The following PCGF5 variants were observed in gnomAD, a reference collection of about 807,000 sequenced individuals.
PCGF5 encodes the protein polycomb group ring finger 5.
PCGF5 carries 9 observed loss-of-function variants against 44.3 expected under a neutral mutation model. That is an observed-to-expected ratio of 0.20 (90% CI 0.12 to 0.35). The LOEUF (loss-of-function observed/expected upper bound fraction) is 0.35. PCGF5 is among the 10% of genes least tolerant of loss of function. PCGF5 has a pLI of 1.00. For synonymous variants in PCGF5, 95 were observed against 102.5 expected (o/e 0.93, Z 0.44); for missense variants, 146 against 305.3 (o/e 0.48, Z 3.89).
intron 1 of PCGF5, among the ~76,000 whole-genome samples, chr10:91,221,328 T>C (rs2133275188): frequency 6.6e-6 from 1 of 152,270 alleles, no homozygotes; most frequent in Non-Finnish European, 1.5e-5. Context: ...TCTCTTACTT[T>C]GGAGTTTCAT....
chr10:91,239,757 G>A (rs1414788146), intron 2 of PCGF5, among the ~76,000 whole-genome samples: 1 of 152,160 alleles, frequency 6.6e-6, no homozygotes, highest in African/African-American at 2.4e-5. Flanking sequence ...GATTAGTAGT[G>A]TTTGTAGGAA....
intron 1 of PCGF5, among the ~76,000 whole-genome samples, chr10:91,171,858 C>T (rs762009795): frequency 2.0e-5 from 3 of 151,978 alleles, no homozygotes; most frequent in Non-Finnish European, 4.4e-5. Flanking sequence ...CATTGGTCTT[C>T]GGGAACTATG....
chr10:91,196,162 G>A (rs1018668550), intron 1 of PCGF5, among the ~76,000 whole-genome samples: 1 of 152,102 alleles, frequency 6.6e-6, no homozygotes, highest in African/African-American at 2.4e-5. Flanking sequence ...AAGGCCCAGA[G>A]TAGAAAGCAC....
upstream of PCGF5, chr10:91,220,402 A>G (rs1844634831): frequency 6.6e-6 from 1 of 152,302 alleles, no homozygotes; most frequent in African/African-American, 2.4e-5. Context: ...TATGATGTAA[A>G]CAACCGAAGG....
At chr10:91,232,490 G>A (rs1371548056) in intron 2 of PCGF5, among the ~76,000 whole-genome samples, 1 of 152,174 alleles carries the variant, frequency 6.6e-6, no homozygotes. Flanking sequence ...AACAGAAGTG[G>A]TTTTAGGGGG....
At chr10:91,247,758 G>A (rs1156493478) in intron 3 of PCGF5, among the ~76,000 whole-genome samples, 4 of 152,212 alleles carry the variant, frequency 2.6e-5, no homozygotes, top group African/African-American at 4.8e-5. Context: ...AGAGAGGAAT[G>A]GAGATTATTT....
intron 1 of PCGF5, among the ~76,000 whole-genome samples, chr10:91,187,774 A>G (rs1219003336): frequency 1.3e-5 from 2 of 152,136 alleles, no homozygotes; most frequent in Non-Finnish European, 2.9e-5. Flanking sequence ...TACCTGAAAA[A>G]TGTCTGTGTA....
chr10:91,236,697 G>A (rs1845173668), intron 2 of PCGF5, among the ~76,000 whole-genome samples: 1 of 152,200 alleles, frequency 6.6e-6, no homozygotes, highest in African/African-American at 2.4e-5. Flanking sequence ...AGTGAGTTTT[G>A]TAGTGATGAG....
At chr10:91,160,000 C>T (rs75711728), upstream of PCGF5, among the ~76,000 whole-genome samples, 880 of 152,210 alleles carry the variant, frequency 5.8e-3, 5 homozygotes, top group African/African-American at 0.02. Flanking sequence ...ATATTTAATA[C>T]GCTCATGGTT....
chr10:91,225,490 C>T (rs982576359), intron 2 of PCGF5, among the ~76,000 whole-genome samples: 10 of 151,266 alleles, frequency 6.6e-5, no homozygotes, highest in South Asian at 2.1e-4. Flanking sequence ...CCAAATGTGG[C>T]CTTTATCGTC....
chr10:91,284,048 T>C lies in PCGF5; in HGVS notation c.*5732T>C, dbSNP rs917627342. ...ATTTAATCAGTACAAGATATGTCTT[T>C]TGCAGAAATAAAATGCTGCTTAGAG... On this transcript the variant is annotated 3_prime_UTR_variant, in exon 10 of 10. Transcript: ENST00000336126. 6.6e-6 allele frequency: 1 copy of C among 152,640 alleles called. No homozygotes were observed. The highest frequency in any genetic ancestry group is 2.4e-5 in the African/African-American group (1 of 41,458). The allele number at this position is 152,640 out of a possible 1,614,324, so 9.5% of individuals were successfully genotyped here. A position where few individuals can be genotyped will look rare whatever the true frequency, so the allele number is the denominator to read the frequency against.
chr10:91,192,677 T>C (rs1844054518), intron 1 of PCGF5, among the ~76,000 whole-genome samples: 1 of 152,204 alleles, frequency 6.6e-6, no homozygotes, highest in Non-Finnish European at 1.5e-5. Context: ...CGACATACAA[T>C]AAAACAGGCA....
At chr10:91,192,344 AT>A (rs552677417) in intron 1 of PCGF5, among the ~76,000 whole-genome samples, 1 of 152,236 alleles carries the variant, frequency 6.6e-6, no homozygotes, top group Non-Finnish European at 1.5e-5. Context: ...AAGCATTCTT[AT>A]TTTCATAAAA....
In PCGF5 at chr10:91,238,581, A is replaced by ATTTCTTTCTTTCTTTCTTTC. The variant is rs1213535596; in HGVS notation, c.113-1899_113-1880dup. Among the ~76,000 whole-genome samples, 89 of 73,232 alleles carry ATTTCTTTCTTTCTTTCTTTC rather than the reference A, an allele frequency of 1.2e-3. 2 individuals are homozygous for ATTTCTTTCTTTCTTTCTTTC. The highest frequency in any genetic ancestry group is 5.3e-3 in the South Asian group (12 of 2,266). 48.0% of individuals were successfully genotyped at this position (73,232 alleles called of 152,430 possible). A position where few individuals can be genotyped will look rare whatever the true frequency, so the allele number is the denominator to read the frequency against. On this transcript the variant is annotated intron_variant, in intron 2 of 9. Transcript: ENST00000336126. ...AGGCTTTTAAAATCCCTCCACTCTCATTTCTTTCTTTCTTTCTTTCTTTTT... is the reference window on the plus strand; with the variant it reads ...AGGCTTTTAAAATCCCTCCACTCTCATTTCTTTCTTTCTTTCTTTCTTTCTTTCTTTCTTTCTTTCTTTTT...
chr10:91,184,551 C>T (rs543392776), intron 1 of PCGF5, among the ~76,000 whole-genome samples: 111 of 152,278 alleles, frequency 7.3e-4, no homozygotes, highest in African/African-American at 2.3e-3. Context: ...AATTCTACTT[C>T]TGTCATTTCA....
chr10:91,172,436 C>T (rs1843626113), intron 1 of PCGF5, among the ~76,000 whole-genome samples: 1 of 152,104 alleles, frequency 6.6e-6, no homozygotes, highest in South Asian at 2.1e-4. Context: ...AAAAAAATGC[C>T]CTCTAGGGCA....
At chr10:91,239,156 A>G (rs1489321165) in intron 2 of PCGF5, among the ~76,000 whole-genome samples, 8 of 152,080 alleles carry the variant, frequency 5.3e-5, no homozygotes, top group African/African-American at 1.9e-4. Context: ...TAAAAATACC[A>G]CTTATCACTA....
intron 1 of PCGF5, among the ~76,000 whole-genome samples, chr10:91,178,828 A>G (rs988264836): frequency 2.0e-5 from 3 of 152,226 alleles, no homozygotes; most frequent in Non-Finnish European, 2.9e-5. Flanking sequence ...GTCCAGAGCC[A>G]TTCCTTTCAA....
At chr10:91,170,403 G>A (rs1485237602) in intron 1 of PCGF5, among the ~76,000 whole-genome samples, 1 of 152,114 alleles carries the variant, frequency 6.6e-6, no homozygotes, top group Non-Finnish European at 1.5e-5. Context: ...AAATATACAA[G>A]GAACTCTTAA....
Sources: allele counts gnomAD v4.1 joint callset (sites outside exome capture counted in the v4.1 genomes callset), GRCh38; gene constraint gnomAD v4.1.1; transcripts MANE v1.5; gene names NCBI Gene and HGNC (gene_info 2026-07-23, HGNC 2026-07-21).